Variants in ACSBG2 observed in about 807,000 individuals in gnomAD.
ACSBG2 encodes long-chain-fatty-acid--CoA ligase ACSBG2.
A neutral mutation model predicts 74.7 loss-of-function variants in ACSBG2; 62 were observed. The observed-to-expected ratio is 0.83, with a 90% CI of 0.68 to 1.03. ACSBG2 has a LOEUF of 1.03. ACSBG2 is among the 50% of genes least tolerant of loss of function. ACSBG2 has a pLI of 0.00. For synonymous variants in ACSBG2, 309 were observed against 294.1 expected (o/e 1.05, Z -0.52); for missense variants, 730 against 817.6 (o/e 0.89, Z 1.31).
rs1220913725 is a variant in ACSBG2 at position 6,161,968 on chromosome 19, A to G, written c.588+673A>G. Among the ~76,000 whole-genome samples, 4 of 152,194 alleles carry G rather than the reference A, an allele frequency of 2.6e-5. No individual in the cohort carries two copies. The East Asian group carries it at 7.7e-4, about 29-fold the overall frequency. On this transcript the variant is annotated intron_variant, in intron 6 of 14. Transcript: ENST00000588485. Reference sequence around the variant, plus strand: ...AGTTGAAAATTATGTTAAAACTAACAACATTAAGTTTAAATATTTTATTTA... The same window carrying G: ...AGTTGAAAATTATGTTAAAACTAACGACATTAAGTTTAAATATTTTATTTA...
chr19:6,183,064 C>A lies in ACSBG2; in HGVS notation c.1114C>A (p.Arg372Ser), dbSNP rs763484624. 12 of 1,614,162 alleles carry A rather than the reference C, an allele frequency of 7.4e-6. No individual in the cohort carries two copies. The South Asian group carries it at 1.1e-4, about 15-fold the overall frequency. Reference protein sequence around the residue: ...LGKYNTPVSYRMAKTLVFSKV... With the variant: ...LGKYNTPVSYSMAKTLVFSKV... ...GAAATATAATACTCCCGTGAGCTACCGCATGGCTAAGACTCTCGTGTTCAG... is the reference window on the plus strand; with the variant it reads ...GAAATATAATACTCCCGTGAGCTACAGCATGGCTAAGACTCTCGTGTTCAG... Residue 372 changes from arginine to serine, a missense_variant, in exon 10 of 15, where the codon CGC becomes AGC. Physicochemically the swap from Arg to Ser is moderately radical, Grantham distance 110. Transcript: ENST00000588485.
chr19:6,179,293 AT>A lies in ACSBG2; in HGVS notation c.906+1920del, dbSNP rs1169472742. Among the ~76,000 whole-genome samples the A allele has an allele frequency of 4.0e-3, 478 of 118,610 alleles. 4 individuals carry two copies. Among genetic ancestry groups the A allele is most frequent in the African/African-American group, 0.011 (342 of 32,240 alleles). The allele number at this position is 118,610 out of a possible 152,430, so 77.8% of individuals were successfully genotyped here. On this transcript the variant is annotated intron_variant, in intron 8 of 14. Coordinates refer to ENST00000588485, the MANE Select transcript of ACSBG2 (RefSeq NM_030924.5). Reference sequence around the variant, plus strand: ...AAGAACACTTTGATTTCTTTTCTAAATTTTTTTTTTTTTTTTTTTTTTTAGA... The same window carrying A: ...AAGAACACTTTGATTTCTTTTCTAAATTTTTTTTTTTTTTTTTTTTTTAGA...
intron 6 of ACSBG2, 133 bp from the exon 7 acceptor site, chr19:6,165,733 C>G: frequency 9.3e-7 from 1 of 1,074,228 alleles, no homozygotes; most frequent in Non-Finnish European, 1.3e-6. Context: ...TAAGAGGTGC[C>G]AGGACTGGCA....
Sources: allele counts gnomAD v4.1 joint callset (sites outside exome capture counted in the v4.1 genomes callset), GRCh38; gene constraint gnomAD v4.1.1; transcripts MANE v1.5; gene names NCBI Gene and HGNC (gene_info 2026-07-23, HGNC 2026-07-21).